CYRIB: variants seen among roughly 807,000 people sequenced by gnomAD.
The protein encoded by CYRIB is CYFIP related Rac1 interactor B.
CYRIB carries 8 observed loss-of-function variants against 44.2 expected under a neutral mutation model. The observed-to-expected ratio is 0.18, with a 90% confidence interval of 0.11 to 0.33. The LOEUF (loss-of-function observed/expected upper bound fraction) is 0.33. CYRIB is among the 10% of genes least tolerant of loss of function. The pLI is 1.00. For missense variants in CYRIB, 185 were observed against 382.8 expected (o/e 0.48, Z 4.31); for synonymous variants, 131 against 127.2 (o/e 1.03, Z -0.20).
At chr8:129,881,254 G>C (rs991278024) in intron 2 of CYRIB, among the ~76,000 whole-genome samples, 3 of 152,154 alleles carry the variant, frequency 2.0e-5, no homozygotes, top group African/African-American at 7.2e-5. Context: ...AACCTGGAAG[G>C]TAGAGTAACA....
intron 4 of CYRIB, among the ~76,000 whole-genome samples, chr8:129,869,885 C>G (rs2056237775): frequency 6.6e-6 from 1 of 151,112 alleles, no homozygotes; most frequent in Non-Finnish European, 1.5e-5. Flanking sequence ...AATGTTTTAC[C>G]TCCCCCCCGC....
chr8:129,892,057 A>G (rs1366172675), intron 2 of CYRIB, among the ~76,000 whole-genome samples: 1 of 152,130 alleles, frequency 6.6e-6, no homozygotes, highest in African/African-American at 2.4e-5. Flanking sequence ...AAAAACCTCT[A>G]TTACAGGAGG....
At chr8:130,011,771 T>C (rs2097223840) in intron 1 of CYRIB, among the ~76,000 whole-genome samples, 1 of 151,940 alleles carries the variant, frequency 6.6e-6, no homozygotes, top group Non-Finnish European at 1.5e-5. Context: ...AGGCGGAGCT[T>C]GCAGTGAGCC....
intron 4 of CYRIB, among the ~76,000 whole-genome samples, chr8:129,870,193 G>T (rs2056511081): frequency 6.6e-6 from 1 of 151,972 alleles, no homozygotes; most frequent in African/African-American, 2.4e-5. Flanking sequence ...TTGGGGCGGG[G>T]CGGGGGATCA....
intron 1 of CYRIB, among the ~76,000 whole-genome samples, chr8:129,930,301 G>A (rs1387180858): frequency 7.4e-6 from 1 of 134,404 alleles, no homozygotes; most frequent in Non-Finnish European, 1.6e-5. Flanking sequence ...GAGACAAGGG[G>A]CAGTAAAAGA....
chr8:129,858,518 C>G (rs1037993500), intron 5 of CYRIB, among the ~76,000 whole-genome samples: 1 of 152,136 alleles, frequency 6.6e-6, no homozygotes, highest in African/African-American at 2.4e-5. Context: ...GGGAGAGTTT[C>G]CCTATAGAGA....
chr8:129,991,943 CAAA>C (rs35897320), intron 1 of CYRIB, among the ~76,000 whole-genome samples: 1 of 19,204 alleles, frequency 5.2e-5, no homozygotes, highest in Non-Finnish European at 9.8e-5. Flanking sequence ...AGCAGAGTCG[CAAA>C]AAAAAAAAAA....
At position 129,995,917 on chromosome 8, in the gene CYRIB, G is replaced by A. The variant is rs111816938; in HGVS notation, c.-296+20453C>T. Among the ~76,000 whole-genome samples, 667 of 152,344 alleles carry A rather than the reference G, an allele frequency of 4.4e-3. 5 individuals are homozygous for A. The highest frequency in any genetic ancestry group is 0.015 in the African/African-American group (642 of 41,582). On this transcript the variant is annotated intron_variant, in intron 1 of 14. Transcript: ENST00000401979. Reference sequence around the variant, plus strand: ...TGGCAATCTGCTTCCCTGGGTGGAAGACAAGACACAGAGGCTGACCCCAAC... The same window carrying A: ...TGGCAATCTGCTTCCCTGGGTGGAAAACAAGACACAGAGGCTGACCCCAAC...
At chr8:130,005,691 G>A (rs1171619288) in intron 1 of CYRIB, among the ~76,000 whole-genome samples, 1 of 151,950 alleles carries the variant, frequency 6.6e-6, no homozygotes, top group African/African-American at 2.4e-5. Flanking sequence ...AGCTCCATCT[G>A]TGCCTTAAAA....
chr8:129,875,256 C>A (rs1006722143), intron 3 of CYRIB, among the ~76,000 whole-genome samples: 1 of 151,672 alleles, frequency 6.6e-6, no homozygotes, highest in African/African-American at 2.4e-5. Flanking sequence ...GCTATGCAGG[C>A]CCCCATTCAG....
At chr8:129,987,850 T>C (rs1332272997) in intron 1 of CYRIB, among the ~76,000 whole-genome samples, 2 of 152,082 alleles carry the variant, frequency 1.3e-5, no homozygotes, top group Non-Finnish European at 2.9e-5. Flanking sequence ...GGGATTACAG[T>C]CGTGAGCCAT....
chr8:129,911,868 C>T (rs1016413417), intron 1 of CYRIB, among the ~76,000 whole-genome samples: 2 of 152,132 alleles, frequency 1.3e-5, no homozygotes, highest in African/African-American at 4.8e-5. Context: ...TACAATGGGA[C>T]TTTTCTGATA....
intron 2 of CYRIB, chr8:129,879,880 A>G (rs572095518): frequency 4.4e-5 from 7 of 157,416 alleles, no homozygotes; most frequent in African/African-American, 1.7e-4. Flanking sequence ...CCAAATATTA[A>G]TACATTTGGC....
In CYRIB at chr8:129,849,394, G is replaced by GGAA. The variant is rs767123722; in HGVS notation, c.714-28_714-26dup. 1.2e-5 allele frequency: 19 copies of GGAA among 1,578,706 alleles called. No individual in the cohort carries two copies. The South Asian group carries it at 2.2e-4, about 19-fold the overall frequency. On this transcript the variant is annotated intron_variant, in intron 9 of 11. Transcript: ENST00000519824. ...CCTGAAGAGTAGATAAGATATGCAT[G>GGAA]GAAGAAGTGCATTACAAAATTCTTT...
At chr8:129,918,986 C>CT (rs1315908026) in intron 1 of CYRIB, among the ~76,000 whole-genome samples, 1 of 152,180 alleles carries the variant, frequency 6.6e-6, no homozygotes, top group Non-Finnish European at 1.5e-5. Flanking sequence ...ATGAAATACT[C>CT]TAAGGTGTGT....
At chr8:129,863,258 G>A (rs1040653472) in intron 4 of CYRIB, among the ~76,000 whole-genome samples, 2 of 152,188 alleles carry the variant, frequency 1.3e-5, no homozygotes, top group African/African-American at 2.4e-5. Context: ...TGGGCGCCGT[G>A]GCTCACGCCT....
chr8:130,011,234 G>A (rs937726571), intron 1 of CYRIB, among the ~76,000 whole-genome samples: 2 of 152,162 alleles, frequency 1.3e-5, no homozygotes, highest in African/African-American at 4.8e-5. Context: ...CAAGAACGCT[G>A]AGGCGGCCAG....
intron 2 of CYRIB, among the ~76,000 whole-genome samples, chr8:129,965,037 G>C (rs1423870372): frequency 6.6e-6 from 1 of 152,190 alleles, no homozygotes; most frequent in Non-Finnish European, 1.5e-5. Context: ...CCTGTGAGCA[G>C]ATAACACAGG....
chr8:129,901,282 G>A (rs2071687019), intron 2 of CYRIB, among the ~76,000 whole-genome samples: 1 of 152,058 alleles, frequency 6.6e-6, no homozygotes. Flanking sequence ...GAGTGCAGTG[G>A]TGAGATCTTT....
Sources: gnomAD v4.1 joint callset for allele counts (sites outside exome capture counted in the v4.1 genomes callset) on GRCh38, gnomAD v4.1.1 for gene constraint, MANE v1.5 for transcripts, NCBI Gene and HGNC (gene_info 2026-07-23, HGNC 2026-07-21) for gene names.